Variants in RAB13 observed in about 807,000 individuals in gnomAD.
RAB13 encodes the protein RAB13, member RAS oncogene family.
In RAB13, 15 loss-of-function variants were observed where a neutral mutation model predicts 29.3. That is an observed-to-expected ratio of 0.51 (90% CI 0.34 to 0.79). The LOEUF is 0.79. RAB13 is among the 30% of genes least tolerant of loss of function. The pLI is 0.01. For missense variants in RAB13, 186 were observed against 255.5 expected, an observed-to-expected ratio of 0.73 and a Z score of 1.85; for synonymous variants, 82 against 93.8, an observed-to-expected ratio of 0.87 and a Z score of 0.73.
At chr1:153,982,302 A>G in intron 7 of RAB13, 89 bp downstream of exon 7, 1 of 1,296,930 alleles carries the variant, frequency 7.7e-7, no homozygotes, top group Non-Finnish European at 1.1e-6. Context: ...TATCAACACC[A>G]ACACACACAC....
intron 4 of RAB13, 163 bp from the exon 5 acceptor site, chr1:153,982,971 C>A: frequency 1.3e-6 from 1 of 757,202 alleles, no homozygotes; most frequent in Non-Finnish European, 2.2e-6. Context: ...ACTAAAAATG[C>A]AAAATTAGCC....
At position 153,983,590 on chromosome 1, in the gene RAB13, G is replaced by A. The variant is rs757640668; in HGVS notation, c.186-9C>T. 12 of 1,599,898 alleles carry A rather than the reference G, an allele frequency of 7.5e-6. No individual in the cohort carries two copies. The highest frequency in any genetic ancestry group is 1.0e-5 in the Non-Finnish European group (12 of 1,167,290). On this transcript the variant is annotated splice_polypyrimidine_tract_variant and intron_variant, in intron 2 of 7. Transcript: ENST00000368575. ...CTTGGCCAGCCGTGTCCCTAAAGAA[G>A]GAGAAGTTTTCATGGGATGGAATAG...
At position 153,983,041 on chromosome 1, in the gene RAB13, T is replaced by C. The variant is rs539299083; in HGVS notation, c.324+178A>G. On this transcript the variant is annotated intron_variant, in intron 4 of 7. Coordinates refer to ENST00000368575, the MANE Select transcript of RAB13 (RefSeq NM_002870.5). ...TTGGGAGGCTGAGGCAGGAAAATCGTTTGAACCTGGGAGGCAGAGGTTGCA... is the reference window on the plus strand; with the variant it reads ...TTGGGAGGCTGAGGCAGGAAAATCGCTTGAACCTGGGAGGCAGAGGTTGCA... 131 of 741,852 alleles carry C rather than the reference T, an allele frequency of 1.8e-4. 1 individual carries two copies. The highest frequency in any genetic ancestry group is 1.5e-3 in the South Asian group (90 of 60,258). The allele number at this position is 741,852 out of a possible 1,614,324, so 46.0% of individuals were successfully genotyped here.
upstream of RAB13, among the ~76,000 whole-genome samples, chr1:153,989,396 C>T (rs1316218268): frequency 6.6e-6 from 1 of 150,628 alleles, no homozygotes; most frequent in Non-Finnish European, 1.5e-5. Flanking sequence ...ACTACAGGCG[C>T]CCGCCACCGC....
upstream of RAB13, among the ~76,000 whole-genome samples, chr1:153,987,230 G>T (rs1649195789): frequency 6.6e-6 from 1 of 152,168 alleles, no homozygotes; most frequent in Admixed American, 6.6e-5. Flanking sequence ...AAGTTTGCCG[G>T]GCGCGGTGGC....
At chr1:153,982,301 C>T in intron 7 of RAB13, 90 bp downstream of exon 7, 1 of 1,387,756 alleles carries the variant, frequency 7.2e-7, no homozygotes, top group Non-Finnish European at 1.0e-6. Context: ...TTATCAACAC[C>T]AACACACACA....
rs370977932 is a variant in RAB13 at position 153,982,507 on chromosome 1, T to C, written c.480+28A>G. 4 of 1,608,908 alleles carry C rather than the reference T, an allele frequency of 2.5e-6. No homozygotes were observed. The African/African-American group carries it at 5.3e-5, about 22-fold the overall frequency. On this transcript the variant is annotated intron_variant, in intron 6 of 7. Coordinates refer to ENST00000368575, the MANE Select transcript of RAB13 (RefSeq NM_002870.5). ...ATCTACCTTCTAATACTTCCTCTCT[T>C]GGTCGGGGATGGGGGTGTGGATCTC...
chr1:153,982,844 C>A, intron 4 of RAB13, 36 bp from the exon 5 acceptor site: 1 of 1,605,114 alleles, frequency 6.2e-7, no homozygotes, highest in Non-Finnish European at 8.5e-7. Flanking sequence ...TAGGTCCTGC[C>A]GGCTGGGAGC....
chr1:153,982,262 A>G, intron 7 of RAB13, 86 bp from the exon 8 acceptor site: 1 of 1,510,290 alleles, frequency 6.6e-7, no homozygotes, highest in Non-Finnish European at 9.2e-7. Context: ...ATCCACCCTC[A>G]TGAGAAATCT....
At chr1:153,984,273 G>A (rs1057265048) in intron 2 of RAB13, among the ~76,000 whole-genome samples, 11 of 151,504 alleles carry the variant, frequency 7.3e-5, no homozygotes, top group African/African-American at 1.5e-4. Flanking sequence ...CCAGATTTGC[G>A]CACCAGTCTG....
At chr1:153,988,443 G>A (rs1173214704), upstream of RAB13, among the ~76,000 whole-genome samples, 7 of 148,222 alleles carry the variant, frequency 4.7e-5, no homozygotes, top group East Asian at 7.8e-4. Context: ...ACAGGCGCCC[G>A]CCACCACCCG....
upstream of RAB13, among the ~76,000 whole-genome samples, chr1:153,988,902 G>A (rs1205927676): frequency 6.7e-6 from 1 of 149,112 alleles, no homozygotes; most frequent in Non-Finnish European, 1.5e-5. Context: ...GTGAGCCACT[G>A]CGCCCAACCT....
chr1:153,983,751 T>C (rs1172980115), intron 2 of RAB13, among the ~76,000 whole-genome samples, 170 bp from the exon 3 acceptor site: 1 of 152,202 alleles, frequency 6.6e-6, no homozygotes, highest in Non-Finnish European at 1.5e-5. Context: ...CCAGAGATGG[T>C]AGTGGCCCAA....
upstream of RAB13, among the ~76,000 whole-genome samples, chr1:153,989,546 G>C (rs1410517592): frequency 6.6e-6 from 1 of 151,782 alleles, no homozygotes; most frequent in African/African-American, 2.4e-5. Flanking sequence ...ACGGCGCCCG[G>C]GCAAGAAAAA....
At chr1:153,987,018 C>G (rs1649190666), upstream of RAB13, among the ~76,000 whole-genome samples, 1 of 152,204 alleles carries the variant, frequency 6.6e-6, no homozygotes, top group African/African-American at 2.4e-5. Context: ...AACGATCTCT[C>G]TTATGGGGAC....
At chr1:153,985,844 T>A (rs999250671) in intron 1 of RAB13, among the ~76,000 whole-genome samples, 1 of 150,948 alleles carries the variant, frequency 6.6e-6, no homozygotes, top group Non-Finnish European at 1.5e-5. Flanking sequence ...AGAGAAGAGT[T>A]CTTGTGGATT....
intron 2 of RAB13, 51 bp from the exon 3 acceptor site, chr1:153,983,632 A>G (rs1649066704): frequency 6.8e-7 from 1 of 1,462,636 alleles, no homozygotes. Flanking sequence ...GAATTCTCCA[A>G]CGGAATAATT....
chr1:153,985,901 A>T (rs1395862194), intron 1 of RAB13: 5 of 644,162 alleles, frequency 7.8e-6, no homozygotes, highest in Non-Finnish European at 1.2e-5. Context: ...AGCTGGCAGC[A>T]GTTGAAGAGT....
intron 1 of RAB13, 145 bp downstream of exon 1, chr1:153,985,968 G>C: frequency 3.6e-6 from 5 of 1,406,032 alleles, no homozygotes; most frequent in Non-Finnish European, 4.8e-6. Context: ...ACATGCACGG[G>C]GGAAGGGTCA....
Sources: allele counts gnomAD v4.1 joint callset (sites outside exome capture counted in the v4.1 genomes callset), GRCh38; gene constraint gnomAD v4.1.1; transcripts MANE v1.5; gene names NCBI Gene and HGNC (gene_info 2026-07-23, HGNC 2026-07-21).